MPP7: variants seen among roughly 807,000 people sequenced by gnomAD.
MPP7 encodes MAGUK p55 subfamily member 7.
MPP7 carries 60 observed loss-of-function variants against 76.5 expected under a neutral mutation model. The ratio of observed to expected loss-of-function variants is 0.78; its 90% confidence interval spans 0.64 to 0.97. The LOEUF (loss-of-function observed/expected upper bound fraction) is 0.97, where lower values mean the gene tolerates loss of function less well. MPP7 is among the 50% of genes least tolerant of loss of function. The pLI is 0.00. For missense variants in MPP7, 641 were observed against 694.0 expected, an observed-to-expected ratio of 0.92 and a Z score of 0.86; for synonymous variants, 237 against 244.5, an observed-to-expected ratio of 0.97 and a Z score of 0.29.
At chr10:28,194,311 G>T (rs1837510013) in intron 3 of MPP7, among the ~76,000 whole-genome samples, 1 of 152,180 alleles carries the variant, frequency 6.6e-6, no homozygotes, top group South Asian at 2.1e-4. Context: ...ACCACACCTG[G>T]CCAGCAGTTT....
chr10:28,299,102 C>T (rs555978236), intron 1 of MPP7, among the ~76,000 whole-genome samples: 2 of 152,310 alleles, frequency 1.3e-5, no homozygotes, highest in South Asian at 2.1e-4. Context: ...GGACGTTCAG[C>T]AGAGTAGCAC....
intron 12 of MPP7, among the ~76,000 whole-genome samples, chr10:28,087,385 GC>G (rs918840746): frequency 6.6e-6 from 1 of 151,950 alleles, no homozygotes; most frequent in African/African-American, 2.4e-5. Flanking sequence ...ACTAACACAT[GC>G]CTTTTTTTTT....
chr10:28,261,812 C>T lies in MPP7; in HGVS notation c.-131-23077G>A, dbSNP rs541275816. Among the ~76,000 whole-genome samples the T allele has an allele frequency of 7.2e-5, 11 of 151,980 alleles. No homozygotes were observed. The East Asian group carries it at 7.8e-4, about 11-fold the overall frequency. On this transcript the variant is annotated intron_variant, in intron 1 of 16. Transcript: ENST00000683449. Reference sequence around the variant, plus strand: ...CTGTAACCTCAACACTTTGGGAGGCCGAGGCAGGAGGATTGCTTGAGCCCA... The same window carrying T: ...CTGTAACCTCAACACTTTGGGAGGCTGAGGCAGGAGGATTGCTTGAGCCCA...
chr10:28,195,133 T>C (rs1837538802), intron 3 of MPP7, among the ~76,000 whole-genome samples: 1 of 152,100 alleles, frequency 6.6e-6, no homozygotes. Context: ...AATAAGCACA[T>C]GAAAAGATGG....
chr10:28,326,599 C>A (rs1478962733), intron 2 of MPP7, among the ~76,000 whole-genome samples: 1 of 152,186 alleles, frequency 6.6e-6, no homozygotes, highest in Non-Finnish European at 1.5e-5. Flanking sequence ...GCAGAGCAAG[C>A]CCTGGCTAAG....
intron 1 of MPP7, among the ~76,000 whole-genome samples, chr10:28,253,266 A>G (rs1390175039): frequency 6.6e-6 from 1 of 152,160 alleles, no homozygotes; most frequent in Non-Finnish European, 1.5e-5. Context: ...ATGAGCTGGC[A>G]AGTGGGAAAT....
rs144869745 is a variant in MPP7, at chr10:28,316,044, T to G, written c.-132+13885A>C. The stretch of plus-strand genomic sequence containing the variant: ...AAACAAGGAAAGTCTGAGATGGACA[T>G]AGCTGAGAGACTGCCATAGTTTAAA... On this transcript the variant is annotated intron_variant, in intron 2 of 11. Coordinates refer to the MPP7 transcript ENST00000441595. Among the ~76,000 whole-genome samples the G allele has an allele frequency of 1.3e-4, 20 of 152,306 alleles. No homozygotes were observed. The East Asian group carries it at 3.5e-3, about 26-fold the overall frequency.
intron 1 of MPP7, among the ~76,000 whole-genome samples, chr10:28,266,240 T>G (rs12258912): frequency 0.19 from 29,007 of 152,038 alleles, 3,271 homozygotes; most frequent in African/African-American, 0.31. Context: ...AATTACAAAC[T>G]TGAGCTACTG....
chr10:28,116,801 T>C (rs1022939152), intron 11 of MPP7, among the ~76,000 whole-genome samples: 2 of 152,156 alleles, frequency 1.3e-5, no homozygotes, highest in Non-Finnish European at 2.9e-5. Context: ...TTTATTCTTC[T>C]GGGTTTGTAT....
intron 2 of MPP7, among the ~76,000 whole-genome samples, chr10:28,233,429 C>T (rs770199176): frequency 9.9e-5 from 15 of 152,032 alleles, no homozygotes; most frequent in Non-Finnish European, 2.2e-4. Flanking sequence ...ACACTCCGGC[C>T]GGGCGCGGTG....
At chr10:28,261,595 C>T (rs1396216336) in intron 1 of MPP7, among the ~76,000 whole-genome samples, 1 of 152,100 alleles carries the variant, frequency 6.6e-6, no homozygotes, top group Non-Finnish European at 1.5e-5. Flanking sequence ...ATCAGGTGAC[C>T]CCAGAGTACA....
At chr10:28,324,338 A>G (rs1236819035) in intron 2 of MPP7, among the ~76,000 whole-genome samples, 1 of 152,220 alleles carries the variant, frequency 6.6e-6, no homozygotes, top group Non-Finnish European at 1.5e-5. Context: ...TATAACTGCA[A>G]GAAAGAAATT....
chr10:28,117,925 G>A (rs1259075445), intron 11 of MPP7, among the ~76,000 whole-genome samples: 3 of 151,758 alleles, frequency 2.0e-5, no homozygotes, highest in Non-Finnish European at 4.4e-5. Context: ...AGTTTAATAA[G>A]AGAGACAGAG....
chr10:28,165,392 G>A (rs1372404633), intron 3 of MPP7, among the ~76,000 whole-genome samples: 1 of 152,070 alleles, frequency 6.6e-6, no homozygotes, highest in Non-Finnish European at 1.5e-5. Context: ...CAGGCATAGT[G>A]GTGCCCACCT....
Position 28,069,788 on chromosome 10 carries a change from A to G in MPP7, c.1188T>C (p.Tyr396=), listed in dbSNP as rs767217504. 4 of 1,613,856 alleles carry G rather than the reference A, an allele frequency of 2.5e-6. No homozygotes were observed. Among genetic ancestry groups the G allele is most frequent in the African/African-American group, 1.3e-5 (1 of 74,910 alleles). The part of the protein sequence containing the change: ...RKLLISDTQH[Y]GVTVPHTTRA... ...AGAACTCACGGGGCACTGTCACGCCATAGTGCTGGGTGTCACTGATCAGCA... is the reference window on the plus strand; with the variant it reads ...AGAACTCACGGGGCACTGTCACGCCGTAGTGCTGGGTGTCACTGATCAGCA... Residue 396 remains tyrosine (Y), a synonymous_variant, in exon 13 of 17, where the codon TAT becomes TAC. Coordinates refer to ENST00000683449, the MANE Select transcript of MPP7 (RefSeq NM_001318170.2).
At chr10:28,155,402 T>A (rs1462911061) in intron 3 of MPP7, among the ~76,000 whole-genome samples, 3 of 151,852 alleles carry the variant, frequency 2.0e-5, no homozygotes, top group Non-Finnish European at 4.4e-5. Context: ...CCAGCCTGGG[T>A]AACATGGTGA....
Position 28,059,663 on chromosome 10 carries a change from C to T in MPP7, c.1285G>A (p.Val429Ile), listed in dbSNP as rs1337967438. 3.7e-6 allele frequency: 6 copies of T among 1,611,806 alleles called. No homozygotes were observed. The East Asian group carries it at 6.7e-5, about 18-fold the overall frequency. The change falls in exon 14 of 17, where the codon GTA (valine) becomes ATA (isoleucine). Residue 429 changes from valine to isoleucine, a missense_variant. Physicochemically the swap from Val to Ile is conservative, Grantham distance 29. Coordinates refer to ENST00000683449, the MANE Select transcript of MPP7 (RefSeq NM_001318170.2). The stretch of plus-strand genomic sequence containing the variant: ...ATGTCCACATACTTGTTATTTTGTA[C>T]ATCTGTCTCAAACAAATGCTTGGAA... ...FISKHLFETD[V>I]QNNKFIEYGE...
intron 2 of MPP7, among the ~76,000 whole-genome samples, chr10:28,208,916 A>G (rs1208291470): frequency 6.6e-6 from 1 of 150,940 alleles, no homozygotes; most frequent in Non-Finnish European, 1.5e-5. Flanking sequence ...TGACTGGATC[A>G]TGGGGGTGGA....
intron 2 of MPP7, among the ~76,000 whole-genome samples, chr10:28,216,592 T>C (rs1434551447): frequency 6.6e-6 from 1 of 152,104 alleles, no homozygotes; most frequent in Non-Finnish European, 1.5e-5. Context: ...ATAATATTAA[T>C]CCCTTTATTG....
Sources: allele counts gnomAD v4.1 joint callset (sites outside exome capture counted in the v4.1 genomes callset), GRCh38; gene constraint gnomAD v4.1.1; transcripts MANE v1.5; gene names NCBI Gene and HGNC (gene_info 2026-07-23, HGNC 2026-07-21).